ESR1: variants seen among roughly 807,000 people sequenced by gnomAD.
The protein encoded by ESR1 is estrogen receptor.
ESR1 carries 12 observed loss-of-function variants against 52.7 expected under a neutral mutation model. That is an observed-to-expected ratio of 0.23 (90% CI 0.15 to 0.37). The LOEUF (loss-of-function observed/expected upper bound fraction) is 0.37, where lower values mean the gene tolerates loss of function less well. Ranked by LOEUF, ESR1 falls within the 10% of genes least tolerant of loss-of-function variation. The pLI is 1.00. For synonymous variants in ESR1, 305 were observed against 316.8 expected, an observed-to-expected ratio of 0.96 and a Z score of 0.39; for missense variants, 584 against 779.7, an observed-to-expected ratio of 0.75 and a Z score of 2.99.
At chr6:151,885,390 C>T (rs1476770646) in intron 3 of ESR1, among the ~76,000 whole-genome samples, 1 of 152,112 alleles carries the variant, frequency 6.6e-6, no homozygotes, top group African/African-American at 2.4e-5. Flanking sequence ...TACTCAGACA[C>T]CTGACATCCA....
At chr6:151,985,400 T>G (rs1400812872) in intron 4 of ESR1, among the ~76,000 whole-genome samples, 1 of 149,732 alleles carries the variant, frequency 6.7e-6, no homozygotes, top group Non-Finnish European at 1.5e-5. Context: ...CCCAGCTACT[T>G]GGGAGGCTGA....
intron 3 of ESR1, among the ~76,000 whole-genome samples, chr6:151,904,180 G>A (rs1387790086): frequency 6.6e-6 from 1 of 152,102 alleles, no homozygotes; most frequent in Non-Finnish European, 1.5e-5. Context: ...TAGACCTGTA[G>A]AAAATTTATT....
chr6:151,881,061 C>T lies in ESR1; in HGVS notation c.760+290C>T, dbSNP rs931774802. ...TGTGGGAGGCGGTGATGGAAGGAAA[C>T]GAAGAGTGCTTAGTAAATTATTCTA... On this transcript the variant is annotated intron_variant, in intron 3 of 7. Transcript: ENST00000206249. Among the ~76,000 whole-genome samples, 15 of 152,180 alleles carry T rather than the reference C, an allele frequency of 9.9e-5. No individual in the cohort carries two copies. The South Asian group carries it at 1.7e-3, about 17-fold the overall frequency.
chr6:151,832,399 A>C (rs1474912548), intron 1 of ESR1, among the ~76,000 whole-genome samples: 1 of 152,158 alleles, frequency 6.6e-6, no homozygotes, highest in Non-Finnish European at 1.5e-5. Context: ...TGTGGAAAAT[A>C]AATAGATACA....
intron 3 of ESR1, among the ~76,000 whole-genome samples, chr6:151,901,444 G>A (rs1796679337): frequency 1.3e-5 from 2 of 152,104 alleles, no homozygotes; most frequent in Admixed American, 1.3e-4. Flanking sequence ...CCTCCCCCAA[G>A]TTCTGGCCAG....
intron 2 of ESR1, among the ~76,000 whole-genome samples, chr6:151,766,933 A>T (rs868472900): frequency 7.2e-5 from 11 of 152,338 alleles, no homozygotes; most frequent in South Asian, 4.1e-4. Context: ...TAAATGACAG[A>T]TATAGTTGAG....
chr6:152,033,322 A>G (rs2044920304), intron 5 of ESR1, among the ~76,000 whole-genome samples: 1 of 152,256 alleles, frequency 6.6e-6, no homozygotes, highest in Admixed American at 6.5e-5. Context: ...GCTTCTGCAC[A>G]GCAAAAGAGA....
At chr6:151,774,162 T>A (rs1442374063) in intron 2 of ESR1, among the ~76,000 whole-genome samples, 1 of 152,222 alleles carries the variant, frequency 6.6e-6, no homozygotes, top group Non-Finnish European at 1.5e-5. Flanking sequence ...AAATTTGGAC[T>A]ATAATAACCA....
intron 1 of ESR1, among the ~76,000 whole-genome samples, chr6:151,828,787 A>AAT (rs1243480358): frequency 6.6e-6 from 1 of 152,192 alleles, no homozygotes; most frequent in East Asian, 1.9e-4. Context: ...GCAACTCTAT[A>AAT]CATTTCCCAG....
chr6:152,078,132 A>G (rs1210979300), intron 6 of ESR1, among the ~76,000 whole-genome samples: 1 of 152,202 alleles, frequency 6.6e-6, no homozygotes, highest in Non-Finnish European at 1.5e-5. Flanking sequence ...AATTTGAATC[A>G]TGAGGCCAGT....
intron 1 of ESR1, among the ~76,000 whole-genome samples, chr6:151,827,840 ATATG>A (rs1781763997): frequency 6.6e-6 from 1 of 152,228 alleles, no homozygotes. Flanking sequence ...CCGAAAGACT[ATATG>A]TATGCACTTC....
In ESR1 at chr6:152,098,047, A is replaced by G. The variant is rs1273906382; in HGVS notation, c.1554-685A>G. The stretch of plus-strand genomic sequence containing the variant: ...GAGGCGGCATTTGAAGACCGGAGGA[A>G]GGTTCATCCCAGCAAGTAGGAACAG... On this transcript the variant is annotated intron_variant, in intron 7 of 7. Coordinates refer to ENST00000206249, the MANE Select transcript of ESR1 (RefSeq NM_000125.4). The surrounding 1 kb of genome is among the most constrained non-coding windows in gnomAD (Gnocchi z 5.1). 6.6e-6 allele frequency among the ~76,000 whole-genome samples: 1 copy of G among 152,114 alleles called. No individual in the cohort carries two copies. The highest frequency in any genetic ancestry group is 1.5e-5 in the Non-Finnish European group (1 of 68,014).
chr6:151,869,056 A>T (rs1336608165), intron 2 of ESR1, among the ~76,000 whole-genome samples: 1 of 151,160 alleles, frequency 6.6e-6, no homozygotes, highest in Non-Finnish European at 1.5e-5. Flanking sequence ...GGACTTATTT[A>T]TGAGTCTGGG....
At chr6:152,018,497 G>A (rs2043344296) in intron 5 of ESR1, among the ~76,000 whole-genome samples, 1 of 151,820 alleles carries the variant, frequency 6.6e-6, no homozygotes, top group South Asian at 2.1e-4. Flanking sequence ...TGAAGAGTAG[G>A]ACCTCCCTTT....
intron 2 of ESR1, among the ~76,000 whole-genome samples, chr6:151,739,801 G>A (rs904849217): frequency 1.3e-5 from 2 of 152,326 alleles, no homozygotes; most frequent in South Asian, 4.1e-4. Flanking sequence ...CTTTCAGACA[G>A]AAGCCCCTTC....
At chr6:151,772,798 A>G (rs1369214365) in intron 2 of ESR1, among the ~76,000 whole-genome samples, 1 of 152,226 alleles carries the variant, frequency 6.6e-6, no homozygotes, top group African/African-American at 2.4e-5. Flanking sequence ...GGAGGTTACA[A>G]AGAGAAAAGC....
chr6:152,115,950 T>C lies in ESR1; in HGVS notation c.851-9316T>C, dbSNP rs145431346. 8.5e-5 allele frequency among the ~76,000 whole-genome samples: 13 copies of C among 152,206 alleles called. No homozygotes were observed. In the East Asian group the frequency reaches 2.5e-3, roughly 29 times the overall value. On this transcript the variant is annotated intron_variant, in intron 6 of 6. Transcript: ENST00000427531. ...GATCCCCAGCTACCAATTTAATTGG[T>C]TTGGGGTATGGCCTGGGGTTCTACA...
intron 3 of ESR1, among the ~76,000 whole-genome samples, chr6:151,932,630 A>T (rs2033812252): frequency 7.1e-6 from 1 of 141,270 alleles, no homozygotes. Flanking sequence ...TGATTTTTGT[A>T]TAAGGTGTAA....
At chr6:151,849,125 G>A (rs1403089985) in intron 2 of ESR1, among the ~76,000 whole-genome samples, 1 of 151,936 alleles carries the variant, frequency 6.6e-6, no homozygotes, top group Non-Finnish European at 1.5e-5. Flanking sequence ...ACCCTTCCAC[G>A]AGTAATACTA....
Sources: gnomAD v4.1 joint callset for allele counts (sites outside exome capture counted in the v4.1 genomes callset) on GRCh38, gnomAD v4.1.1 for gene constraint, Gnocchi (gnomAD v3.1) non-coding constraint, MANE v1.5 for transcripts, NCBI Gene and HGNC (gene_info 2026-07-23, HGNC 2026-07-21) for gene names.